Variants in LAMA2 observed in about 807,000 individuals in gnomAD.
The protein encoded by LAMA2 is laminin subunit alpha 2.
A neutral mutation model predicts 364.8 loss-of-function variants in LAMA2; 269 were observed. The ratio of observed to expected loss-of-function variants is 0.74; its 90% CI spans 0.67 to 0.82. The LOEUF (loss-of-function observed/expected upper bound fraction) is 0.82. Ranked by LOEUF, LAMA2 falls within the 40% of genes least tolerant of loss-of-function variation. The pLI, the probability that LAMA2 is intolerant of heterozygous loss-of-function variation, is 0.00. For missense variants in LAMA2, 3,807 were observed against 3,873.2 expected, an observed-to-expected ratio of 0.98 and a Z score of 0.45; for synonymous variants, 1,379 against 1,370.6, an observed-to-expected ratio of 1.01 and a Z score of -0.14.
chr6:129,146,836 AAC>A, intron 5 of LAMA2, 121 bp from the exon 6 acceptor site: 4 of 744,166 alleles, frequency 5.4e-6, no homozygotes, highest in Non-Finnish European at 9.8e-6. Context: ...GTCCTCAAGA[AAC>A]ACAAATGTCC....
chr6:129,260,753 T>G lies in LAMA2; in HGVS notation c.2139T>G (p.Thr713=), dbSNP rs1409906330. ...TTGAATCCGCTGTCTCCTATCCTACTGATGGAAGCATTGCAGCAGCTGTAG... is the reference window on the plus strand; with the variant it reads ...TTGAATCCGCTGTCTCCTATCCTACGGATGGAAGCATTGCAGCAGCTGTAG... The part of the protein sequence containing the change: ...VNLESAVSYP[T]DGSIAAAVEV... The change falls in exon 15 of 65, where the codon ACT becomes ACG. Residue 713 remains threonine (T), a synonymous_variant. Transcript: ENST00000421865. 1 of 1,612,932 alleles carries G rather than the reference T, an allele frequency of 6.2e-7. No individual in the cohort carries two copies. Among genetic ancestry groups the G allele is most frequent in the South Asian group, 1.1e-5 (1 of 91,060 alleles).
Position 129,312,928 on chromosome 6 carries a change from G to A in LAMA2, c.3242G>A (p.Cys1081Tyr), listed in dbSNP as rs766029511. The A allele has an allele frequency of 1.9e-6, 3 of 1,614,060 alleles. No individual in the cohort carries two copies. Among genetic ancestry groups the A allele is most frequent in the African/African-American group, 1.3e-5 (1 of 74,920 alleles). ...AATGTAAATACAGGCCAATGCAACTGTCATCCAAAATTCTCTGGTGCAAAA... is the reference window on the plus strand; with the variant it reads ...AATGTAAATACAGGCCAATGCAACTATCATCCAAAATTCTCTGGTGCAAAA... ...QCNVNTGQCN[C>Y]HPKFSGAKCT... The change falls in exon 23 of 65, where the codon TGT becomes TAT. Residue 1081 changes from cysteine (C) to tyrosine (Y), a missense_variant. By Grantham distance (194) the Cys-to-Tyr change is radical. Coordinates refer to ENST00000421865, the MANE Select transcript of LAMA2 (RefSeq NM_000426.4).
chr6:128,929,935 C>T, intron 1 of LAMA2: 1 of 774,048 alleles, frequency 1.3e-6, no homozygotes, highest in Non-Finnish European at 2.2e-6. Context: ...GCGCGGCCCA[C>T]AGCCCCACCT....
At chr6:129,398,401 T>C (rs113866996) in intron 37 of LAMA2, among the ~76,000 whole-genome samples, 1,754 of 152,106 alleles carry the variant, frequency 0.012, 20 homozygotes, top group South Asian at 0.032. Context: ...TGGGAGTAGC[T>C]GAATGAGCCA....
intron 1 of LAMA2, among the ~76,000 whole-genome samples, chr6:128,899,315 A>G (rs1776943572): frequency 6.6e-6 from 1 of 152,232 alleles, no homozygotes; most frequent in African/African-American, 2.4e-5. Flanking sequence ...ATAATTAGTT[A>G]GAAGACCAAT....
At chr6:129,223,906 A>G (rs1437812522) in intron 12 of LAMA2, among the ~76,000 whole-genome samples, 2 of 152,074 alleles carry the variant, frequency 1.3e-5, no homozygotes, top group African/African-American at 4.8e-5. Context: ...CTTGATAGGG[A>G]TGGCATTGAA....
intron 1 of LAMA2, among the ~76,000 whole-genome samples, chr6:128,955,723 T>C (rs549361138): frequency 5.5e-4 from 84 of 152,108 alleles, no homozygotes; most frequent in South Asian, 1.0e-3. Context: ...CATTTATCTC[T>C]CTTTTCTAGT....
intron 27 of LAMA2, among the ~76,000 whole-genome samples, chr6:129,317,027 TGAG>T (rs1305339627): frequency 1.3e-5 from 2 of 152,160 alleles, no homozygotes; most frequent in African/African-American, 4.8e-5. Flanking sequence ...GGATTAGTAA[TGAG>T]GAAAATATTG....
intron 48 of LAMA2, among the ~76,000 whole-genome samples, chr6:129,458,339 A>C (rs1376567446): frequency 6.6e-6 from 1 of 152,062 alleles, no homozygotes; most frequent in African/African-American, 2.4e-5. Flanking sequence ...TGGCACAAAA[A>C]CAGTATTCTA....
At chr6:128,902,137 AG>A (rs1777125955) in intron 1 of LAMA2, among the ~76,000 whole-genome samples, 1 of 152,230 alleles carries the variant, frequency 6.6e-6, no homozygotes, top group Non-Finnish European at 1.5e-5. Context: ...TCCTGAGAAC[AG>A]CATGGGGGAA....
At chr6:128,924,789 G>A (rs959070286) in intron 1 of LAMA2, among the ~76,000 whole-genome samples, 3 of 152,058 alleles carry the variant, frequency 2.0e-5, no homozygotes, top group African/African-American at 7.2e-5. Flanking sequence ...CAATCATGTT[G>A]CAATTATTTT....
chr6:129,032,233 G>T (rs139494248), intron 1 of LAMA2, among the ~76,000 whole-genome samples: 25 of 152,310 alleles, frequency 1.6e-4, no homozygotes, highest in African/African-American at 6.0e-4. Flanking sequence ...CCATCATGAA[G>T]CTTACGTTCC....
chr6:129,274,906 T>C (rs1788196462), intron 17 of LAMA2, among the ~76,000 whole-genome samples: 1 of 151,988 alleles, frequency 6.6e-6, no homozygotes, highest in Non-Finnish European at 1.5e-5. Flanking sequence ...TAGGATGTGT[T>C]TGAATATATA....
At chr6:129,316,012 A>G (rs536435627) in intron 26 of LAMA2, 26 bp from the exon 27 acceptor site, 4 of 1,614,014 alleles carry the variant, frequency 2.5e-6, no homozygotes, top group South Asian at 2.2e-5. Flanking sequence ...CAGTTTTGTC[A>G]TAGTGATTTC....
At chr6:129,214,149 G>T (rs910524189) in intron 12 of LAMA2, among the ~76,000 whole-genome samples, 4 of 152,264 alleles carry the variant, frequency 2.6e-5, no homozygotes, top group Admixed American at 1.3e-4. Flanking sequence ...GTTCTATTTA[G>T]CTTGTGATCC....
intron 1 of LAMA2, among the ~76,000 whole-genome samples, chr6:128,990,208 T>A (rs1392760943): frequency 6.6e-6 from 1 of 152,250 alleles, no homozygotes; most frequent in Non-Finnish European, 1.5e-5. Context: ...TTTCTGTTTT[T>A]TAGGTCCTCG....
chr6:128,987,140 G>GTTTTTTTTTTTTTTTTTTTTTTTTT (rs764115716), intron 1 of LAMA2, among the ~76,000 whole-genome samples: 1 of 121,358 alleles, frequency 8.2e-6, no homozygotes, highest in Non-Finnish European at 1.7e-5. Flanking sequence ...TTTTTTTTTT[G>GTTTTTTTTTTTTTTTTTTTTTTTTT]TTTTTTTTTT....
intron 43 of LAMA2, chr6:129,442,370 A>G (rs897560553): frequency 2.8e-5 from 9 of 320,174 alleles, no homozygotes; most frequent in African/African-American, 4.5e-5. Context: ...TTTTTAATGT[A>G]AGCCCAGAAA....
chr6:129,372,304 A>T (rs1220590998), intron 34 of LAMA2, among the ~76,000 whole-genome samples: 3 of 152,098 alleles, frequency 2.0e-5, no homozygotes, highest in African/African-American at 7.2e-5. Context: ...TCACCTATTC[A>T]TACCTCCCTC....
Sources: allele counts gnomAD v4.1 joint callset (sites outside exome capture counted in the v4.1 genomes callset), GRCh38; gene constraint gnomAD v4.1.1; transcripts MANE v1.5; gene names NCBI Gene and HGNC (gene_info 2026-07-23, HGNC 2026-07-21).